Variants in TTC23 observed in about 807,000 individuals in gnomAD.
The protein encoded by TTC23 is tetratricopeptide repeat protein 23.
In TTC23, 58 loss-of-function variants were observed where a neutral mutation model predicts 55.1. The observed-to-expected ratio is 1.05, with a 90% CI of 0.85 to 1.31. TTC23 has a LOEUF of 1.31. TTC23 is among the 50% of genes most tolerant of loss of function. TTC23 has a pLI of 0.00. For missense variants in TTC23, 516 were observed against 534.4 expected (o/e 0.97, Z 0.34); for synonymous variants, 203 against 199.9 (o/e 1.02, Z -0.13).
rs73463358 is a variant in TTC23 at position 99,198,396 on chromosome 15, C to T, written c.759+1523G>A. ...CCCACATCCAATCAATCTCCATGTC[C>T]TATCAATTCTGCCTCCTAAATCTTT... On this transcript the variant is annotated intron_variant, in intron 9 of 13. Transcript: ENST00000394132. 9.8e-3 allele frequency among the ~76,000 whole-genome samples: 1,486 copies of T among 152,300 alleles called. 35 individuals are homozygous for T. Among genetic ancestry groups the T allele is most frequent in the African/African-American group, 0.034 (1,410 of 41,554 alleles).
At chr15:99,243,742 C>G (rs2080001909) in intron 2 of TTC23, among the ~76,000 whole-genome samples, 1 of 152,138 alleles carries the variant, frequency 6.6e-6, no homozygotes, top group African/African-American at 2.4e-5. Context: ...TTTGTATGTT[C>G]TCACTCATTT....
intron 8 of TTC23, among the ~76,000 whole-genome samples, chr15:99,216,567 G>C (rs1303601779): frequency 6.6e-6 from 1 of 151,986 alleles, no homozygotes; most frequent in Non-Finnish European, 1.5e-5. Flanking sequence ...AAATAAGAAG[G>C]AATACTAACA....
intron 5 of TTC23, among the ~76,000 whole-genome samples, chr15:99,225,013 G>C (rs1341969964): frequency 6.6e-6 from 1 of 152,164 alleles, no homozygotes; most frequent in Non-Finnish European, 1.5e-5. Context: ...GTGTATGAAA[G>C]ACACGGAAAT....
chr15:99,205,073 G>A (rs1036230528), intron 8 of TTC23, among the ~76,000 whole-genome samples: 2 of 152,308 alleles, frequency 1.3e-5, no homozygotes, highest in Middle Eastern at 3.4e-3. Flanking sequence ...CCCAGTGTAT[G>A]TTCTTGGCAC....
intron 9 of TTC23, among the ~76,000 whole-genome samples, chr15:99,184,737 C>T (rs1040575655): frequency 2.6e-5 from 4 of 152,060 alleles, no homozygotes; most frequent in African/African-American, 9.7e-5. Flanking sequence ...AGTTAAGACT[C>T]TGGGGGACTG....
intron 4 of TTC23, among the ~76,000 whole-genome samples, chr15:99,231,385 T>C (rs2078920562): frequency 6.6e-6 from 1 of 152,212 alleles, no homozygotes; most frequent in African/African-American, 2.4e-5. Flanking sequence ...GCTCCATGCA[T>C]GTTACTGCCA....
At chr15:99,183,438 CAGCCTCCCG>C (rs2074349352) in intron 9 of TTC23, among the ~76,000 whole-genome samples, 1 of 151,222 alleles carries the variant, frequency 6.6e-6, no homozygotes, top group Non-Finnish European at 1.5e-5. Flanking sequence ...TCTCCTGCCT[CAGCCTCCCG>C]AGTAGCTGGG....
intron 5 of TTC23, among the ~76,000 whole-genome samples, chr15:99,225,839 C>T (rs1431452240): frequency 6.6e-6 from 1 of 152,136 alleles, no homozygotes; most frequent in Non-Finnish European, 1.5e-5. Context: ...GGCAATTCTG[C>T]AGTAAAGAAA....
intron 12 of TTC23, among the ~76,000 whole-genome samples, chr15:99,147,902 A>T (rs2069146690): frequency 6.6e-6 from 1 of 152,166 alleles, no homozygotes; most frequent in Admixed American, 6.5e-5. Context: ...AATATGCTAA[A>T]GGGAAAGTAA....
At chr15:99,138,385 C>A (rs1208505746) in intron 13 of TTC23, among the ~76,000 whole-genome samples, 1 of 151,992 alleles carries the variant, frequency 6.6e-6, no homozygotes, top group Non-Finnish European at 1.5e-5. Context: ...CCCATCTCGG[C>A]TCCCTGCAAC....
intron 9 of TTC23, among the ~76,000 whole-genome samples, chr15:99,189,904 T>G (rs1596512918): frequency 6.6e-6 from 1 of 151,762 alleles, no homozygotes; most frequent in East Asian, 1.9e-4. Flanking sequence ...AAGCCAGGAG[T>G]AGTGATTCAT....
chr15:99,185,967 G>A (rs1489415197), intron 9 of TTC23, among the ~76,000 whole-genome samples: 1 of 152,176 alleles, frequency 6.6e-6, no homozygotes, highest in Non-Finnish European at 1.5e-5. Flanking sequence ...TCACTCCAAA[G>A]GAATGAAGGG....
At chr15:99,167,672 G>T (rs2072317917) in intron 10 of TTC23, among the ~76,000 whole-genome samples, 1 of 152,190 alleles carries the variant, frequency 6.6e-6, no homozygotes, top group Admixed American at 6.5e-5. Context: ...GAGGAATGCA[G>T]GACTGCAATG....
At chr15:99,171,632 G>A (rs867679217) in intron 10 of TTC23, among the ~76,000 whole-genome samples, 15 of 138,528 alleles carry the variant, frequency 1.1e-4, no homozygotes, top group African/African-American at 3.5e-4. Flanking sequence ...GTACAATCTC[G>A]GCTCACGGCA....
chr15:99,166,034 T>C (rs12442235), intron 10 of TTC23, among the ~76,000 whole-genome samples: 22,075 of 152,136 alleles, frequency 0.15, 1,900 homozygotes, highest in East Asian at 0.28. Context: ...TGGGCCCTTA[T>C]TGTGCTTGCG....
At chr15:99,232,765 G>A (rs1370222190) in intron 4 of TTC23, among the ~76,000 whole-genome samples, 1 of 152,164 alleles carries the variant, frequency 6.6e-6, no homozygotes, top group Non-Finnish European at 1.5e-5. Flanking sequence ...ACTACCATAT[G>A]ATCCATGAAT....
rs2076069976 is a variant in TTC23, at chr15:99,200,011, T to C, written c.667A>G (p.Thr223Ala). The stretch of plus-strand genomic sequence containing the variant: ...AATATGGGTACACACTCACGACTTG[T>C]TTCACCTTTACTGATCTCAACATAT... ...LEYVEISKGE[T>A]SRECVPILRE... Residue 223 changes from threonine to alanine, a missense_variant, in exon 9 of 14, where the codon ACA (threonine) becomes GCA (alanine). Physicochemically the swap from Thr to Ala is moderately conservative, Grantham distance 58 (BLOSUM62 0). Transcript: ENST00000394132. 1.9e-6 allele frequency: 3 copies of C among 1,614,002 alleles called. No individual in the cohort carries two copies. Among genetic ancestry groups the C allele is most frequent in the African/African-American group, 2.7e-5 (2 of 74,920 alleles).
chr15:99,247,657 A>G (rs892272942), intron 1 of TTC23, among the ~76,000 whole-genome samples: 1 of 152,230 alleles, frequency 6.6e-6, no homozygotes, highest in Non-Finnish European at 1.5e-5. Context: ...AGGTAAATTT[A>G]TAGACAGAAA....
chr15:99,187,452 C>CAAA (rs66568931), intron 9 of TTC23, among the ~76,000 whole-genome samples: 5,239 of 43,680 alleles, frequency 0.12, 401 homozygotes, highest in African/African-American at 0.14. Context: ...AAAGCACAAG[C>CAAA]AAAAAAAAAA....
Sources: gnomAD v4.1 joint callset for allele counts (sites outside exome capture counted in the v4.1 genomes callset) on GRCh38, gnomAD v4.1.1 for gene constraint, MANE v1.5 for transcripts, NCBI Gene and HGNC (gene_info 2026-07-23, HGNC 2026-07-21) for gene names.